Variants in LRBA observed in about 807,000 individuals in gnomAD.
LRBA encodes the protein LPS responsive beige-like anchor protein.
Under a neutral mutation model 330.0 loss-of-function variants are expected in LRBA, and 176 were observed. The observed-to-expected ratio is 0.53, with a 90% CI of 0.47 to 0.60. The LOEUF (loss-of-function observed/expected upper bound fraction) is 0.60. Ranked by LOEUF, LRBA falls within the 20% of genes least tolerant of loss-of-function variation. LRBA has a pLI of 0.00. For synonymous variants in LRBA, 1,230 were observed against 1,193.0 expected (o/e 1.03, Z -0.64); for missense variants, 3,259 against 3,444.8 (o/e 0.95, Z 1.35).
chr4:150,373,982 G>T (rs1390232804), intron 47 of LRBA, among the ~76,000 whole-genome samples: 1 of 152,010 alleles, frequency 6.6e-6, no homozygotes. Flanking sequence ...TACCTAAAAA[G>T]AATTTATTCT....
intron 20 of LRBA, among the ~76,000 whole-genome samples, chr4:150,869,738 CAA>C (rs79342509): frequency 6.8e-6 from 1 of 145,996 alleles, no homozygotes; most frequent in African/African-American, 2.5e-5. Context: ...TAAATTAAAA[CAA>C]AAAAAAAAAT....
Position 150,489,499 on chromosome 4 carries a change from T to G in LRBA, c.6448+1419A>C, listed in dbSNP as rs1278641333. Among the ~76,000 whole-genome samples, 54 of 40,998 alleles carry G rather than the reference T, an allele frequency of 1.3e-3. 14 individuals are homozygous for G. Among genetic ancestry groups the G allele is most frequent in the Non-Finnish European group, 2.5e-3 (39 of 15,796 alleles). The allele number at this position is 40,998 out of a possible 152,430, so 26.9% of individuals were successfully genotyped here. A position where few individuals can be genotyped will look rare whatever the true frequency, so the allele number is the denominator to read the frequency against. On this transcript the variant is annotated intron_variant, in intron 41 of 56. Coordinates refer to ENST00000651943, the MANE Select transcript of LRBA (RefSeq NM_001364905.1). ...ATATATAAGAATATATAATATATTA[T>G]ATATAAGAATATATAATATATAAGA... is the stretch of plus-strand genomic sequence containing the variant.
intron 56 of LRBA, among the ~76,000 whole-genome samples, chr4:150,266,347 A>G (rs564628418): frequency 6.6e-6 from 1 of 152,244 alleles, no homozygotes; most frequent in Non-Finnish European, 1.5e-5. Flanking sequence ...GAAGTAGTCT[A>G]TGTCCATCAT....
chr4:150,320,456 A>G (rs1319954517), intron 50 of LRBA, among the ~76,000 whole-genome samples: 1 of 152,066 alleles, frequency 6.6e-6, no homozygotes, highest in East Asian at 1.9e-4. Flanking sequence ...AATACTACCA[A>G]TACTACCATG....
chr4:150,805,566 GAAA>G (rs1742624498), intron 33 of LRBA, among the ~76,000 whole-genome samples: 1 of 109,324 alleles, frequency 9.1e-6, no homozygotes, highest in Non-Finnish European at 1.7e-5. Flanking sequence ...GAAAGGAAAG[GAAA>G]GGAAAGGAAA....
intron 2 of LRBA, among the ~76,000 whole-genome samples, chr4:150,973,447 G>A (rs1031606626): frequency 5.3e-5 from 8 of 152,124 alleles, no homozygotes; most frequent in East Asian, 1.9e-4. Context: ...TATTACAGGC[G>A]TGAGCTACCA....
At chr4:151,000,116 C>T (rs565980987) in intron 2 of LRBA, among the ~76,000 whole-genome samples, 1 of 152,160 alleles carries the variant, frequency 6.6e-6, no homozygotes, top group Non-Finnish European at 1.5e-5. Flanking sequence ...GTTTGACTTA[C>T]AATTTTTCAA....
chr4:150,479,634 C>T (rs1374047662), intron 42 of LRBA, among the ~76,000 whole-genome samples: 1 of 152,130 alleles, frequency 6.6e-6, no homozygotes, highest in Non-Finnish European at 1.5e-5. Context: ...AATTCCCCTC[C>T]CCTGGACTTT....
chr4:150,345,775 G>T (rs1039014547), intron 48 of LRBA, among the ~76,000 whole-genome samples: 1 of 152,050 alleles, frequency 6.6e-6, no homozygotes, highest in Admixed American at 6.6e-5. Flanking sequence ...ACTGGTAAAT[G>T]GTATGAAAAG....
chr4:150,711,129 G>A (rs896978044), intron 36 of LRBA, among the ~76,000 whole-genome samples: 13 of 151,948 alleles, frequency 8.6e-5, no homozygotes, highest in African/African-American at 2.9e-4. Flanking sequence ...TAACTAGAGG[G>A]CAGTGATATT....
chr4:150,591,246 CCAAA>C (rs1772791552), intron 38 of LRBA, among the ~76,000 whole-genome samples: 1 of 152,124 alleles, frequency 6.6e-6, no homozygotes, highest in African/African-American at 2.4e-5. Context: ...ATTCATTCCT[CCAAA>C]CAATGTTATA....
At chr4:150,734,648 A>T (rs1478446566) in intron 36 of LRBA, among the ~76,000 whole-genome samples, 1 of 152,162 alleles carries the variant, frequency 6.6e-6, no homozygotes, top group African/African-American at 2.4e-5. Context: ...ATAGCTACAA[A>T]ACCATTAATT....
chr4:150,813,333 C>G (rs1475791454), intron 31 of LRBA, among the ~76,000 whole-genome samples: 1 of 151,904 alleles, frequency 6.6e-6, no homozygotes, highest in African/African-American at 2.4e-5. Context: ...ATGCCTTATC[C>G]TCTGATGAAT....
chr4:150,797,692 C>T (rs1408817621), intron 34 of LRBA, among the ~76,000 whole-genome samples: 2 of 152,012 alleles, frequency 1.3e-5, no homozygotes, highest in African/African-American at 2.4e-5. Context: ...AATCATTTAT[C>T]GCTCATTTTA....
chr4:150,905,820 TATATAG>T lies in LRBA; in HGVS notation c.1755+12_1755+17del. On this transcript the variant is annotated intron_variant, in intron 13 of 56. Coordinates refer to ENST00000651943, the MANE Select transcript of LRBA (RefSeq NM_001364905.1). ...AGCAAAGATAGTAAAACAATATCAA[TATATAG>T]ATATATATTACCTTGGCTGGGGTAT... 6.3e-7 allele frequency: 1 copy of T among 1,592,896 alleles called. No individual in the cohort carries two copies.
At chr4:150,985,983 A>G (rs996211515) in intron 2 of LRBA, among the ~76,000 whole-genome samples, 2 of 152,210 alleles carry the variant, frequency 1.3e-5, no homozygotes, top group Admixed American at 6.5e-5. Context: ...TTAAATGTAT[A>G]AAAGTGCTTT....
At chr4:150,899,091 T>C (rs1730438783) in intron 14 of LRBA, among the ~76,000 whole-genome samples, 1 of 152,212 alleles carries the variant, frequency 6.6e-6, no homozygotes, top group Non-Finnish European at 1.5e-5. Context: ...TGAAGTCATC[T>C]TCACTTTCAG....
At chr4:150,733,810 A>AT (rs1472391880) in intron 36 of LRBA, among the ~76,000 whole-genome samples, 4 of 151,996 alleles carry the variant, frequency 2.6e-5, no homozygotes, top group African/African-American at 7.2e-5. Context: ...AAAGCTATTA[A>AT]TTTTTTGCAT....
chr4:150,424,788 G>C (rs1480557897), intron 46 of LRBA, among the ~76,000 whole-genome samples: 1 of 152,214 alleles, frequency 6.6e-6, no homozygotes, highest in Non-Finnish European at 1.5e-5. Context: ...AAGTGGCCCC[G>C]GCCATGAATT....
Sources: gnomAD v4.1 joint callset for allele counts (sites outside exome capture counted in the v4.1 genomes callset) on GRCh38, gnomAD v4.1.1 for gene constraint, MANE v1.5 for transcripts, NCBI Gene and HGNC (gene_info 2026-07-23, HGNC 2026-07-21) for gene names.